The following IL33 variants were observed in gnomAD, a reference collection of about 807,000 sequenced individuals.
The protein encoded by IL33 is interleukin 33, also known as interleukin-33.
Under a neutral mutation model 27.3 loss-of-function variants are expected in IL33, and 37 were observed. That is an observed-to-expected ratio of 1.36 (90% CI 1.04 to 1.78). The LOEUF is 1.78. IL33 is among the 40% of genes most tolerant of loss of function. The pLI, the probability that IL33 is intolerant of heterozygous loss-of-function variation, is 0.00. For missense variants in IL33, 406 were observed against 311.4 expected (o/e 1.30, Z -2.29); for synonymous variants, 132 against 102.9 (o/e 1.28, Z -1.71).
rs1233875060 is a variant in IL33 at position 6,254,563 on chromosome 9, A to T, written c.612+10A>T. 6.5e-7 allele frequency: 1 copy of T among 1,531,438 alleles called. No homozygotes were observed. Among genetic ancestry groups the T allele is most frequent in the Non-Finnish European group, 8.8e-7 (1 of 1,130,646 alleles). The allele number at this position is 1,531,438 out of a possible 1,614,324, so 94.9% of individuals were successfully genotyped here. A position where few individuals can be genotyped will look rare whatever the true frequency, so the allele number is the denominator to read the frequency against. On this transcript the variant is annotated intron_variant, in intron 7 of 7. Coordinates refer to ENST00000682010, the MANE Select transcript of IL33 (RefSeq NM_033439.4). ...GGAACACTCTGTGGAGGTAAAAAAA[A>T]AAAATTTATCTATATCTATATATAT...
At chr9:6,242,697 G>T (rs1819599323) in intron 2 of IL33, 1 of 152,206 alleles carries the variant, frequency 6.6e-6, no homozygotes, top group Non-Finnish European at 1.5e-5. Context: ...CTAGAGAGAT[G>T]TAAAAATAAT....
intron 4 of IL33, among the ~76,000 whole-genome samples, chr9:6,251,819 C>A (rs1816378832): frequency 6.6e-6 from 1 of 151,470 alleles, no homozygotes; most frequent in Non-Finnish European, 1.5e-5. Flanking sequence ...GTTGATGGAT[C>A]ACCTGAGGTC....
chr9:6,229,935 G>A, intron 1 of IL33, among the ~76,000 whole-genome samples: 1 of 152,174 alleles, frequency 6.6e-6, no homozygotes, highest in East Asian at 1.9e-4. Flanking sequence ...TGGTTAAACA[G>A]AGTTTCCCAG....
rs1310439028 is a variant in IL33 at position 6,256,156 on chromosome 9, C to G, written c.801C>G (p.Leu267=). 3 of 1,612,584 alleles carry G rather than the reference C, an allele frequency of 1.9e-6. No homozygotes were observed. Among genetic ancestry groups the G allele is most frequent in the Non-Finnish European group, 2.5e-6 (3 of 1,178,994 alleles). ...GTACTGAAAATATCTTGTTTAAGCT[C>G]TCTGAAACTTAGTTGATGGAAACCT... is the stretch of plus-strand genomic sequence containing the variant. The part of the protein sequence containing the change: ...NLCTENILFK[L]SET Residue 267 remains leucine, a synonymous_variant, in exon 8 of 8, where the codon CTC becomes CTG. Coordinates refer to ENST00000682010, the MANE Select transcript of IL33 (RefSeq NM_033439.4).
At chr9:6,250,995 G>T (rs1199406488) in intron 3 of IL33, 145 bp from the exon 4 acceptor site, 2 of 992,352 alleles carry the variant, frequency 2.0e-6, no homozygotes, top group East Asian at 2.6e-5. Context: ...GTGCCAAGAG[G>T]TATCAATCCC....
intron 2 of IL33, among the ~76,000 whole-genome samples, chr9:6,245,215 T>C (rs866549089): frequency 1.6e-3 from 240 of 152,330 alleles, no homozygotes; most frequent in African/African-American, 5.5e-3. Flanking sequence ...TTTATTAGGA[T>C]TGAACGGTGT....
intron 1 of IL33, among the ~76,000 whole-genome samples, chr9:6,217,625 G>A (rs1339400407): frequency 6.6e-6 from 1 of 152,168 alleles, no homozygotes; most frequent in Non-Finnish European, 1.5e-5. Flanking sequence ...ACAAGGAATT[G>A]ATACCCTAAG....
intron 2 of IL33, 120 bp from the exon 3 acceptor site, chr9:6,250,354 A>C: frequency 8.5e-7 from 1 of 1,176,162 alleles, no homozygotes. Flanking sequence ...AGCTGAGTTA[A>C]GGATTTCTGA....
chr9:6,237,467 C>T (rs868804546), intron 1 of IL33, among the ~76,000 whole-genome samples: 1 of 152,144 alleles, frequency 6.6e-6, no homozygotes, highest in Admixed American at 6.5e-5. Context: ...GTATTTTCAG[C>T]TTCTCTATCT....
intron 1 of IL33, among the ~76,000 whole-genome samples, chr9:6,233,808 C>T (rs1218610034): frequency 1.3e-5 from 2 of 152,182 alleles, no homozygotes; most frequent in Non-Finnish European, 2.9e-5. Context: ...CTCCACACTA[C>T]TGTGTAAAGA....
At chr9:6,245,256 A>T (rs896475434) in intron 2 of IL33, among the ~76,000 whole-genome samples, 7 of 152,224 alleles carry the variant, frequency 4.6e-5, no homozygotes, top group East Asian at 1.9e-4. Context: ...GTCAATTTTT[A>T]AAAAATAGGA....
intron 2 of IL33, among the ~76,000 whole-genome samples, chr9:6,244,082 T>C (rs1290757655): frequency 1.3e-5 from 2 of 152,190 alleles, no homozygotes; most frequent in Non-Finnish European, 2.9e-5. Flanking sequence ...CCTCAGGAAG[T>C]ATGGGCTCTT....
chr9:6,255,424 T>G (rs1420354991), intron 7 of IL33, among the ~76,000 whole-genome samples: 1 of 152,126 alleles, frequency 6.6e-6, no homozygotes, highest in African/African-American at 2.4e-5. Flanking sequence ...CTCTATTATA[T>G]AGCAAGCACT....
In IL33 at chr9:6,252,913, G is replaced by C. The variant is rs140515272; in HGVS notation, c.391G>C (p.Asp131His). Residue 131 changes from aspartate (D) to histidine (H), a missense_variant, in exon 5 of 8, where the codon GAT becomes CAT. Asp to His is a moderately conservative substitution (Grantham distance 81). Coordinates refer to ENST00000682010, the MANE Select transcript of IL33 (RefSeq NM_033439.4). Reference sequence around the variant, plus strand: ...TCTTGCTTCTCTAAGCACATACAATGATCAATCCATTACTTTTGCTTTGGA... The same window carrying C: ...TCTTGCTTCTCTAAGCACATACAATCATCAATCCATTACTTTTGCTTTGGA... ...EYLASLSTYN[D>H]QSITFALEDE... 6.2e-7 allele frequency: 1 copy of C among 1,605,940 alleles called. No homozygotes were observed. Among genetic ancestry groups the C allele is most frequent in the Non-Finnish European group, 8.5e-7 (1 of 1,173,914 alleles).
At chr9:6,245,668 A>G (rs1819793295) in intron 2 of IL33, among the ~76,000 whole-genome samples, 1 of 152,188 alleles carries the variant, frequency 6.6e-6, no homozygotes, top group Admixed American at 6.5e-5. Flanking sequence ...TAGATTTCAG[A>G]TATATTCAGA....
rs1490866799 is a variant in IL33, at chr9:6,231,396, C to T, written c.-11-10288C>T. 2.6e-5 allele frequency among the ~76,000 whole-genome samples: 4 copies of T among 152,160 alleles called. No homozygotes were observed. In the South Asian group the frequency reaches 6.2e-4, roughly 24 times the overall value. Reference sequence around the variant, plus strand: ...AGCACTCTCTGTTCACTGAGCACTGCGGCTTCTGTCCATCTCAGGGCCTTT... The same window carrying T: ...AGCACTCTCTGTTCACTGAGCACTGTGGCTTCTGTCCATCTCAGGGCCTTT... On this transcript the variant is annotated intron_variant, in intron 1 of 7. Transcript: ENST00000682010.
At position 6,256,635 on chromosome 9, in the gene IL33, C is replaced by T; in HGVS notation, c.*467C>T. 1 of 272,506 alleles carries T rather than the reference C, an allele frequency of 3.7e-6. No homozygotes were observed. The highest frequency in any genetic ancestry group is 6.8e-6 in the Non-Finnish European group (1 of 146,918). The allele number at this position is 272,506 out of a possible 1,614,324, so 16.9% of individuals were successfully genotyped here. A position where few individuals can be genotyped will look rare whatever the true frequency, so the allele number is the denominator to read the frequency against. On this transcript the variant is annotated 3_prime_UTR_variant, in exon 8 of 8. Coordinates refer to ENST00000682010, the MANE Select transcript of IL33 (RefSeq NM_033439.4). ...CTGCTAGTAAAAAGAAGACCAGATGCTTCACAGAATTATCATTTTTTCAAC... is the reference window on the plus strand; with the variant it reads ...CTGCTAGTAAAAAGAAGACCAGATGTTTCACAGAATTATCATTTTTTCAAC...
intron 1 of IL33, among the ~76,000 whole-genome samples, chr9:6,235,246 T>C (rs1454535894): frequency 6.6e-6 from 1 of 152,156 alleles, no homozygotes; most frequent in Admixed American, 6.5e-5. Flanking sequence ...GATCTCTTTA[T>C]GTTGCCTAGG....
At chr9:6,246,524 T>C (rs1471027293) in intron 2 of IL33, among the ~76,000 whole-genome samples, 1 of 151,918 alleles carries the variant, frequency 6.6e-6, no homozygotes. Flanking sequence ...ATTGCACCAC[T>C]GCACTCCAGC....
Sources: allele counts gnomAD v4.1 joint callset (sites outside exome capture counted in the v4.1 genomes callset), GRCh38; gene constraint gnomAD v4.1.1; transcripts MANE v1.5; gene names NCBI Gene and HGNC (gene_info 2026-07-23, HGNC 2026-07-21).